Variants in CEPT1 observed in about 807,000 individuals in gnomAD.
The protein encoded by CEPT1 is choline/ethanolaminephosphotransferase 1.
CEPT1 carries 7 observed loss-of-function variants against 42.6 expected under a neutral mutation model. That is an observed-to-expected ratio of 0.16 (90% CI 0.09 to 0.31). The LOEUF is 0.31. Among genes scored for constraint, CEPT1 ranks in the 10% least tolerant of loss-of-function variants. The pLI is 1.00. For synonymous variants in CEPT1, 171 were observed against 171.9 expected (o/e 0.99, Z 0.04); for missense variants, 306 against 502.1 (o/e 0.61, Z 3.73).
chr1:111,167,018 A>T (rs953275289), intron 4 of CEPT1: 1 of 496,238 alleles, frequency 2.0e-6, no homozygotes, highest in Non-Finnish European at 2.6e-6. Flanking sequence ...CTACTTTTTA[A>T]ATCTATTTTT....
chr1:111,175,068 A>AT (rs1341916774), intron 5 of CEPT1, 105 bp downstream of exon 5: 5 of 754,578 alleles, frequency 6.6e-6, no homozygotes, highest in Admixed American at 2.1e-5. Flanking sequence ...AAATTCTTTT[A>AT]TTTTTTTCCA....
rs1266572453 is a variant in CEPT1 at position 111,184,850 on chromosome 1, T to C, written c.*540T>C. 2 of 149,042 alleles carry C rather than the reference T, an allele frequency of 1.3e-5. No individual in the cohort carries two copies. Among genetic ancestry groups the C allele is most frequent in the African/African-American group, 4.9e-5 (2 of 40,656 alleles). The allele number at this position is 149,042 out of a possible 1,614,324, so 9.2% of individuals were successfully genotyped here. ...TCTTTACATTGTTGAGGAAGTCCTT[T>C]TTTTTTTTTTTTTTTTTTTAATTGC... On this transcript the variant is annotated 3_prime_UTR_variant, in exon 9 of 9. Transcript: ENST00000357172.
intron 1 of CEPT1, among the ~76,000 whole-genome samples, chr1:111,144,243 TGGAA>T (rs1654826532): frequency 6.6e-6 from 1 of 152,178 alleles, no homozygotes; most frequent in Non-Finnish European, 1.5e-5. Context: ...TCAGATATGA[TGGAA>T]GGAAGAGTAG....
chr1:111,183,406 GTAGTTCACAATTGTCC>G, intron 7 of CEPT1, 40 bp from the exon 8 acceptor site: 1 of 1,576,036 alleles, frequency 6.3e-7, no homozygotes, highest in South Asian at 1.1e-5. Flanking sequence ...GATTTACTGT[GTAGTTCACAATTGTCC>G]TCTTATGAAA....
intron 8 of CEPT1, 61 bp downstream of exon 8, chr1:111,183,648 A>G (rs1045538862): frequency 1.1e-4 from 164 of 1,494,670 alleles, no homozygotes; most frequent in Non-Finnish European, 1.4e-4. Context: ...TTGTTTTCTT[A>G]TTTTGATGAC....
chr1:111,161,006 CA>C (rs1317461474), intron 3 of CEPT1, 148 bp from the exon 4 acceptor site: 6 of 693,952 alleles, frequency 8.6e-6, no homozygotes, highest in Non-Finnish European at 1.4e-5. Flanking sequence ...GATTATGTAA[CA>C]GATTATATCC....
chr1:111,175,647 A>G (rs1321057641), intron 5 of CEPT1, among the ~76,000 whole-genome samples: 1 of 152,214 alleles, frequency 6.6e-6, no homozygotes, highest in Admixed American at 6.5e-5. Context: ...ACATGAGGTC[A>G]TTAGTAGTAC....
chr1:111,156,554 G>A (rs1038538087), intron 2 of CEPT1, among the ~76,000 whole-genome samples: 120 of 152,272 alleles, frequency 7.9e-4, no homozygotes, highest in African/African-American at 2.7e-3. Flanking sequence ...AAACACTAAC[G>A]ATAGCTGATG....
At chr1:111,169,985 G>A (rs546154671) in intron 4 of CEPT1, among the ~76,000 whole-genome samples, 32 of 152,218 alleles carry the variant, frequency 2.1e-4, no homozygotes, top group African/African-American at 6.3e-4. Flanking sequence ...GGTGGTTGTC[G>A]TGATTAAAAG....
intron 2 of CEPT1, 54 bp downstream of exon 2, chr1:111,148,107 T>C (rs1231417339): frequency 5.1e-6 from 7 of 1,375,992 alleles, no homozygotes; most frequent in Non-Finnish European, 7.1e-6. Context: ...AACGTTGTAA[T>C]TGGGATCGTG....
At chr1:111,154,108 C>G (rs984819747) in intron 2 of CEPT1, among the ~76,000 whole-genome samples, 1 of 151,602 alleles carries the variant, frequency 6.6e-6, no homozygotes, top group Non-Finnish European at 1.5e-5. Flanking sequence ...GTGTATATGT[C>G]CTCCTCAGTT....
At chr1:111,172,676 C>T (rs1163021865) in intron 4 of CEPT1, among the ~76,000 whole-genome samples, 1 of 152,218 alleles carries the variant, frequency 6.6e-6, no homozygotes, top group Admixed American at 6.5e-5. Context: ...TGACTTTGCA[C>T]TGCATGCACC....
chr1:111,161,469 A>G (rs1273111851), intron 4 of CEPT1, among the ~76,000 whole-genome samples, 173 bp downstream of exon 4: 4 of 152,106 alleles, frequency 2.6e-5, no homozygotes, highest in Non-Finnish European at 5.9e-5. Context: ...ATGTCCCTCT[A>G]TTATACTTTT....
intron 4 of CEPT1, among the ~76,000 whole-genome samples, chr1:111,171,565 T>A (rs900947090): frequency 6.6e-6 from 1 of 152,172 alleles, no homozygotes; most frequent in Non-Finnish European, 1.5e-5. Flanking sequence ...ATGGTTTGCT[T>A]CTTTTTATTT....
At chr1:111,159,309 G>A in intron 2 of CEPT1, 71 bp from the exon 3 acceptor site, 1 of 1,478,796 alleles carries the variant, frequency 6.8e-7, no homozygotes, top group Non-Finnish European at 9.2e-7. Flanking sequence ...CAACCTGCAG[G>A]TAAAAATATG....
intron 2 of CEPT1, among the ~76,000 whole-genome samples, chr1:111,151,177 T>G (rs1557924371): frequency 2.0e-5 from 3 of 148,120 alleles, no homozygotes; most frequent in African/African-American, 7.5e-5. Context: ...CAGGCTGGAG[T>G]GCAGTGGCGC....
chr1:111,152,750 C>A (rs930155367), intron 2 of CEPT1, among the ~76,000 whole-genome samples: 4 of 152,090 alleles, frequency 2.6e-5, no homozygotes, highest in African/African-American at 9.7e-5. Flanking sequence ...GGGTGTTCAT[C>A]AGATTTTTAA....
rs767455778 is a variant in CEPT1, at chr1:111,169,694, CTTTT to C, written c.630-5181_630-5178del. Among the ~76,000 whole-genome samples the C allele has an allele frequency of 3.7e-3, 563 of 152,162 alleles. 5 individuals carry two copies. The highest frequency in any genetic ancestry group is 0.013 in the African/African-American group (533 of 41,528). The stretch of plus-strand genomic sequence containing the variant: ...AATTAAAATGAGATTGTCAAATATA[CTTTT>C]TTTATGAAGTTTCGAAAAAAACTTC... On this transcript the variant is annotated intron_variant, in intron 4 of 8. Coordinates refer to ENST00000357172, the MANE Select transcript of CEPT1 (RefSeq NM_006090.5).
chr1:111,141,920 T>G (rs1224959672), intron 1 of CEPT1, among the ~76,000 whole-genome samples: 1 of 152,184 alleles, frequency 6.6e-6, no homozygotes, highest in East Asian at 1.9e-4. Flanking sequence ...GTGAAAAGAC[T>G]GTAAACATAC....
Sources: allele counts gnomAD v4.1 joint callset (sites outside exome capture counted in the v4.1 genomes callset), GRCh38; gene constraint gnomAD v4.1.1; transcripts MANE v1.5; gene names NCBI Gene and HGNC (gene_info 2026-07-23, HGNC 2026-07-21).